Variants in ABCB4 observed in about 807,000 individuals in gnomAD.
ABCB4 encodes the protein phosphatidylcholine translocator ABCB4.
Under a neutral mutation model 145.7 loss-of-function variants are expected in ABCB4, and 76 were observed. That is an observed-to-expected ratio of 0.52 (90% CI 0.43 to 0.63). The LOEUF (loss-of-function observed/expected upper bound fraction) is 0.63. ABCB4 is among the 30% of genes least tolerant of loss of function. The probability of loss-of-function intolerance (pLI) is 0.00; values close to 1 mark genes in which losing one functional copy is unlikely to be tolerated. For missense variants in ABCB4, 1,234 were observed against 1,553.1 expected, an observed-to-expected ratio of 0.79 and a Z score of 3.45; for synonymous variants, 517 against 566.8, an observed-to-expected ratio of 0.91 and a Z score of 1.25.
At chr7:87,461,390 A>G (rs1812451424) in intron 4 of ABCB4, among the ~76,000 whole-genome samples, 2 of 152,214 alleles carry the variant, frequency 1.3e-5, no homozygotes, top group Non-Finnish European at 2.9e-5. Flanking sequence ...TATTGACACT[A>G]TACTATATAT....
At chr7:87,441,344 T>C (rs1810972326) in intron 12 of ABCB4, among the ~76,000 whole-genome samples, 1 of 152,198 alleles carries the variant, frequency 6.6e-6, no homozygotes, top group African/African-American at 2.4e-5. Flanking sequence ...ATCATTTTAA[T>C]CTGTTTTCTT....
At chr7:87,475,500 A>G in intron 1 of ABCB4, 29 bp from the exon 2 acceptor site, 1 of 1,612,290 alleles carries the variant, frequency 6.2e-7, no homozygotes, top group South Asian at 1.1e-5. Flanking sequence ...CTCAGAACCA[A>G]GTACACCCTC....
intron 4 of ABCB4, among the ~76,000 whole-genome samples, chr7:87,455,213 C>T (rs944106775): frequency 1.3e-5 from 2 of 152,170 alleles, no homozygotes; most frequent in Non-Finnish European, 2.9e-5. Flanking sequence ...TGCATTCCAC[C>T]TCTTGTTTAC....
In ABCB4 at chr7:87,462,953, T is replaced by C. The variant is rs754671508; in HGVS notation, c.136-45A>G. On this transcript the variant is annotated intron_variant, in intron 3 of 27. Transcript: ENST00000649586. ...TAATACTTAGCTGTGGAATGGAATTTCTCCTCTTCCATAATTATATATTCT... is the reference window on the plus strand; with the variant it reads ...TAATACTTAGCTGTGGAATGGAATTCCTCCTCTTCCATAATTATATATTCT... 4 of 1,539,876 alleles carry C rather than the reference T, an allele frequency of 2.6e-6. No homozygotes were observed. The East Asian group carries it at 9.1e-5, about 35-fold the overall frequency.
intron 5 of ABCB4, among the ~76,000 whole-genome samples, chr7:87,453,944 TAAAAAAAGATATGATAAA>T (rs915931319): frequency 1.3e-5 from 2 of 152,116 alleles, no homozygotes; most frequent in African/African-American, 4.8e-5. Context: ...TGAAATATTT[TAAAAAAAGATATGATAAA>T]ATGTCATGAA....
chr7:87,379,110 A>G, the ABCB4 span, among the ~76,000 whole-genome samples: 1 of 152,012 alleles, frequency 6.6e-6, no homozygotes, highest in South Asian at 2.1e-4. Context: ...CTTGCAAACT[A>G]CCCTTTGTAA....
At chr7:87,434,871 A>T (rs545663955) in intron 14 of ABCB4, among the ~76,000 whole-genome samples, 1 of 152,376 alleles carries the variant, frequency 6.6e-6, no homozygotes, top group South Asian at 2.1e-4. Context: ...AGATTCAAAT[A>T]TGAATCTTTT....
At chr7:87,443,626 C>T (rs781286828) in intron 11 of ABCB4, 37 bp downstream of exon 11, 2 of 1,579,730 alleles carry the variant, frequency 1.3e-6, no homozygotes, top group Admixed American at 3.3e-5. Flanking sequence ...AACAATCAAC[C>T]TCAGTTAGGA....
At chr7:87,396,515 G>A in the ABCB4 span, among the ~76,000 whole-genome samples, 1 of 152,084 alleles carries the variant, frequency 6.6e-6, no homozygotes, top group Non-Finnish European at 1.5e-5. Flanking sequence ...AGCAAGTGGG[G>A]CAAGGGTTGG....
chr7:87,419,788 G>GAAAAAAAAAAAA (rs200409056), intron 19 of ABCB4, among the ~76,000 whole-genome samples: 3 of 42,368 alleles, frequency 7.1e-5, no homozygotes, highest in African/African-American at 2.0e-4. Context: ...CTATTTCTAT[G>GAAAAAAAAAAAA]AAAAAAAACA....
At chr7:87,416,348 T>A (rs1808973849) in intron 21 of ABCB4, among the ~76,000 whole-genome samples, 1 of 152,238 alleles carries the variant, frequency 6.6e-6, no homozygotes, top group Non-Finnish European at 1.5e-5. Context: ...TTCTTCCCTA[T>A]AGAGATACTG....
chr7:87,423,949 C>T lies in ABCB4; in HGVS notation c.2168G>A (p.Gly723Glu). 1.2e-6 allele frequency: 2 copies of T among 1,614,028 alleles called. No homozygotes were observed. Among genetic ancestry groups the T allele is most frequent in the Non-Finnish European group, 1.7e-6 (2 of 1,179,972 alleles). ...VGTVCAIANG[G>E]LQPAFSVIFS... ...TATGACTGAAAATGCCGGCTGAAGC[C>T]CCCCATTGGCAATGGCACATACTGT... Residue 723 changes from glycine to glutamate, a missense_variant, in exon 17 of 28, where the codon GGG (glycine) becomes GAG (glutamate). Gly to Glu is a moderately conservative substitution (Grantham distance 98, BLOSUM62 -2). Transcript: ENST00000649586.
At chr7:87,397,350 C>CAAAA (rs11429478), downstream of ABCB4, among the ~76,000 whole-genome samples, 2 of 146,202 alleles carry the variant, frequency 1.4e-5, no homozygotes, top group South Asian at 2.2e-4. Flanking sequence ...GACTCTTTCT[C>CAAAA]AAAAAAAAAA....
chr7:87,388,601 C>T, the ABCB4 span, among the ~76,000 whole-genome samples: 1 of 152,132 alleles, frequency 6.6e-6, no homozygotes. Context: ...GGACCCCTTC[C>T]TTATACCTTA....
chr7:87,462,411 C>T (rs1406917523), intron 4 of ABCB4, among the ~76,000 whole-genome samples: 1 of 152,146 alleles, frequency 6.6e-6, no homozygotes, highest in Non-Finnish European at 1.5e-5. Context: ...AACTGATGTG[C>T]TTTGAAACTC....
rs1809883848 is a variant in ABCB4 at position 87,427,053 on chromosome 7, G to T, written c.1894-133C>A. 5 of 790,244 alleles carry T rather than the reference G, an allele frequency of 6.3e-6. No individual in the cohort carries two copies. The Admixed American group carries it at 1.1e-4, about 18-fold the overall frequency. 49.0% of individuals were successfully genotyped at this position (790,244 alleles called of 1,614,324 possible). ...AATATTACATGTATCAAGATTTTCA[G>T]ATTTCCTAACTGCTTCTCAATCAAG... On this transcript the variant is annotated intron_variant, in intron 15 of 27. Coordinates refer to ENST00000649586, the MANE Select transcript of ABCB4 (RefSeq NM_000443.4).
chr7:87,401,802 G>A lies in ABCB4; in HGVS notation c.*294C>T. 2.0e-6 allele frequency: 1 copy of A among 494,842 alleles called. No individual in the cohort carries two copies. The highest frequency in any genetic ancestry group is 3.7e-6 in the Non-Finnish European group (1 of 266,680). 30.7% of individuals were successfully genotyped at this position (494,842 alleles called of 1,614,324 possible). ...ACCATAAGACCATTTCCCTATGTCT[G>A]TGGCTTCTATATTTCTACACCTGTA... On this transcript the variant is annotated 3_prime_UTR_variant, in exon 28 of 28. Coordinates refer to ENST00000649586, the MANE Select transcript of ABCB4 (RefSeq NM_000443.4).
chr7:87,443,504 T>A (rs1192183900), intron 11 of ABCB4, 60 bp from the exon 12 acceptor site: 2 of 1,608,194 alleles, frequency 1.2e-6, no homozygotes, highest in African/African-American at 1.4e-5. Context: ...ATGGGAATAA[T>A]TCGATTCAGT....
chr7:87,440,434 T>A, intron 12 of ABCB4, 32 bp from the exon 13 acceptor site: 1 of 1,586,082 alleles, frequency 6.3e-7, no homozygotes, highest in Non-Finnish European at 8.6e-7. Flanking sequence ...TATTAAGTAT[T>A]TAACCATTTA....
Sources: gnomAD v4.1 joint callset for allele counts (sites outside exome capture counted in the v4.1 genomes callset) on GRCh38, gnomAD v4.1.1 for gene constraint, MANE v1.5 for transcripts, NCBI Gene and HGNC (gene_info 2026-07-23, HGNC 2026-07-21) for gene names.